Variants in BLOC1S5 observed in about 807,000 individuals in gnomAD.
BLOC1S5 encodes the protein biogenesis of lysosomal organelles complex 1 subunit 5.
Under a neutral mutation model 24.3 loss-of-function variants are expected in BLOC1S5, and 27 were observed. The ratio of observed to expected loss-of-function variants is 1.11; its 90% CI spans 0.82 to 1.53. The LOEUF (loss-of-function observed/expected upper bound fraction) is 1.53, where lower values mean the gene tolerates loss of function less well. Ranked by LOEUF, BLOC1S5 falls within the 40% of genes most tolerant of loss-of-function variation. BLOC1S5 has a pLI of 0.00. For missense variants in BLOC1S5, 239 were observed against 229.4 expected (o/e 1.04, Z -0.27); for synonymous variants, 84 against 74.5 (o/e 1.13, Z -0.66).
At chr6:8,058,371 A>AT (rs1764391640) in intron 2 of BLOC1S5, among the ~76,000 whole-genome samples, 1 of 50,112 alleles carries the variant, frequency 2.0e-5, no homozygotes, top group Non-Finnish European at 3.6e-5. Flanking sequence ...AAAAAAAAAA[A>AT]AAAAAAAAAA....
At chr6:8,039,817 G>A (rs1763618053) in intron 3 of BLOC1S5, among the ~76,000 whole-genome samples, 1 of 152,166 alleles carries the variant, frequency 6.6e-6, no homozygotes, top group Admixed American at 6.6e-5. Flanking sequence ...TCAAATTTTA[G>A]TTGGGAAGAC....
chr6:8,041,532 T>C (rs991913174), intron 2 of BLOC1S5, among the ~76,000 whole-genome samples: 7 of 152,028 alleles, frequency 4.6e-5, no homozygotes, highest in Non-Finnish European at 7.4e-5. Context: ...TAGGATGGTC[T>C]CGATCTCCTG....
intron 2 of BLOC1S5, 131 bp from the exon 3 acceptor site, chr6:8,041,399 G>A (rs1398578930): frequency 1.4e-5 from 12 of 837,310 alleles, no homozygotes; most frequent in Middle Eastern, 3.9e-4. Context: ...TGCAACCTCC[G>A]CCTCCTGGGT....
chr6:8,022,381 C>G (rs74808927), intron 4 of BLOC1S5, among the ~76,000 whole-genome samples: 1 of 151,450 alleles, frequency 6.6e-6, no homozygotes, highest in South Asian at 2.1e-4. Flanking sequence ...CTCTGAAAAA[C>G]CCAACTAAGG....
chr6:8,054,034 G>A (rs1195075600), intron 2 of BLOC1S5, among the ~76,000 whole-genome samples: 1 of 152,098 alleles, frequency 6.6e-6, no homozygotes, highest in Non-Finnish European at 1.5e-5. Context: ...TGGAATTTTT[G>A]ATTAGGGACA....
chr6:8,057,168 G>A (rs900458828), intron 2 of BLOC1S5, among the ~76,000 whole-genome samples: 14 of 151,962 alleles, frequency 9.2e-5, no homozygotes, highest in Admixed American at 1.3e-4. Flanking sequence ...ACAGTGAGTC[G>A]AGATCGCACC....
chr6:8,016,570 G>C (rs1046774422), intron 4 of BLOC1S5, among the ~76,000 whole-genome samples: 1 of 151,986 alleles, frequency 6.6e-6, no homozygotes, highest in Non-Finnish European at 1.5e-5. Flanking sequence ...AAGAGAACTC[G>C]AGAAATCTCT....
intron 3 of BLOC1S5, among the ~76,000 whole-genome samples, chr6:8,033,428 T>C (rs1470964855): frequency 6.6e-6 from 1 of 152,184 alleles, no homozygotes; most frequent in Non-Finnish European, 1.5e-5. Flanking sequence ...TAGCCATATG[T>C]AGGAAGCTGA....
intron 4 of BLOC1S5, 41 bp downstream of exon 4, chr6:8,026,326 A>T: frequency 6.8e-7 from 1 of 1,460,052 alleles, no homozygotes; most frequent in Non-Finnish European, 9.6e-7. Context: ...GATAATAAAG[A>T]TGCAAGAATT....
chr6:8,037,766 G>A (rs1433841512), intron 3 of BLOC1S5, among the ~76,000 whole-genome samples: 1 of 152,088 alleles, frequency 6.6e-6, no homozygotes, highest in Non-Finnish European at 1.5e-5. Context: ...CATGATACCA[G>A]CATAAAAACA....
At chr6:8,035,875 C>G (rs940529714) in intron 3 of BLOC1S5, among the ~76,000 whole-genome samples, 1 of 152,092 alleles carries the variant, frequency 6.6e-6, no homozygotes, top group Non-Finnish European at 1.5e-5. Flanking sequence ...ACTACAAACT[C>G]GACCAGGCCT....
chr6:8,045,950 G>A (rs1224775450), intron 2 of BLOC1S5, among the ~76,000 whole-genome samples: 3 of 152,160 alleles, frequency 2.0e-5, no homozygotes, highest in Non-Finnish European at 4.4e-5. Flanking sequence ...GACTTTGGGG[G>A]ACTGCTGGGA....
At chr6:8,054,206 T>C in intron 2 of BLOC1S5, 1 of 435,828 alleles carries the variant, frequency 2.3e-6, no homozygotes. Flanking sequence ...ACAGCATCCT[T>C]TTACTTCCAG....
rs987888861 is a variant in BLOC1S5 at position 8,022,155 on chromosome 6, T to C, written c.384+4212A>G. Among the ~76,000 whole-genome samples, 5 of 151,130 alleles carry C rather than the reference T, an allele frequency of 3.3e-5. No homozygotes were observed. In the Admixed American group the frequency reaches 3.3e-4, roughly 10 times the overall value. Reference sequence around the variant, plus strand: ...ATTCGTCTAAGTCAGTGATTTTCAATGGGGGGCAGGGGAGGGCATTTTACA... The same window carrying C: ...ATTCGTCTAAGTCAGTGATTTTCAACGGGGGGCAGGGGAGGGCATTTTACA... On this transcript the variant is annotated intron_variant, in intron 4 of 4. Coordinates refer to ENST00000397457, the MANE Select transcript of BLOC1S5 (RefSeq NM_201280.3).
intron 3 of BLOC1S5, among the ~76,000 whole-genome samples, chr6:8,039,951 C>T (rs1763621787): frequency 6.6e-6 from 1 of 152,160 alleles, no homozygotes; most frequent in Non-Finnish European, 1.5e-5. Flanking sequence ...AAAGCAGTTG[C>T]GGAACCAAGC....
chr6:8,043,134 G>A (rs1272410147), intron 2 of BLOC1S5, among the ~76,000 whole-genome samples: 1 of 152,148 alleles, frequency 6.6e-6, no homozygotes, highest in Non-Finnish European at 1.5e-5. Context: ...TGAACTTGCA[G>A]GTGGTTTTAG....
intron 2 of BLOC1S5, among the ~76,000 whole-genome samples, chr6:8,052,112 G>A (rs1489707968): frequency 4.6e-5 from 7 of 151,692 alleles, no homozygotes; most frequent in South Asian, 2.1e-4. Flanking sequence ...GATTACAGGC[G>A]CCCGCCACCA....
At chr6:8,053,910 C>G (rs1290296431) in intron 2 of BLOC1S5, among the ~76,000 whole-genome samples, 1 of 136,120 alleles carries the variant, frequency 7.3e-6, no homozygotes, top group Non-Finnish European at 1.7e-5. Context: ...TACACTAACA[C>G]AGATCAAGGA....
chr6:8,053,447 T>G (rs1764201413), intron 2 of BLOC1S5, among the ~76,000 whole-genome samples: 1 of 152,194 alleles, frequency 6.6e-6, no homozygotes, highest in Non-Finnish European at 1.5e-5. Flanking sequence ...GAAATAAGAT[T>G]CTCCATTAGC....
Sources: gnomAD v4.1 joint callset for allele counts (sites outside exome capture counted in the v4.1 genomes callset) on GRCh38, gnomAD v4.1.1 for gene constraint, MANE v1.5 for transcripts, NCBI Gene and HGNC (gene_info 2026-07-23, HGNC 2026-07-21) for gene names.